The following CAPS2 variants were observed in gnomAD, a reference collection of about 807,000 sequenced individuals.
The protein encoded by CAPS2 is calcyphosin-2.
CAPS2 carries 98 observed loss-of-function variants against 86.5 expected under a neutral mutation model. That is an observed-to-expected ratio of 1.13 (90% CI 0.96 to 1.34). The LOEUF is 1.34. CAPS2 is among the 40% of genes most tolerant of loss of function. The probability of loss-of-function intolerance (pLI) is 0.00; values close to 1 mark genes in which losing one functional copy is unlikely to be tolerated. For missense variants in CAPS2, 729 were observed against 686.8 expected (o/e 1.06, Z -0.69); for synonymous variants, 210 against 225.1 (o/e 0.93, Z 0.60).
Position 75,304,747 on chromosome 12 carries a change from A to T in CAPS2, c.779+10T>A, listed in dbSNP as rs531063950. 4.5e-6 allele frequency: 7 copies of T among 1,562,700 alleles called. No individual in the cohort carries two copies. Among genetic ancestry groups the T allele is most frequent in the Non-Finnish European group, 5.2e-6 (6 of 1,146,450 alleles). On this transcript the variant is annotated intron_variant, in intron 8 of 16. Coordinates refer to ENST00000393284, the Ensembl canonical transcript of CAPS2. ...TGCATCCTCATTTTATGTAATTAAA[A>T]TCTTCTTACTTTGTTTCATGTAGTG...
At chr12:75,320,510 A>G (rs1360040316) in intron 5 of CAPS2, among the ~76,000 whole-genome samples, 2 of 152,054 alleles carry the variant, frequency 1.3e-5, no homozygotes, top group Non-Finnish European at 2.9e-5. Context: ...CAAAATAAGA[A>G]AGATCAAATA....
At chr12:75,305,912 C>A in intron 7 of CAPS2, 2 of 913,700 alleles carry the variant, frequency 2.2e-6, no homozygotes, top group Non-Finnish European at 3.6e-6. Context: ...AACCTCCACA[C>A]CATGAAGTCT....
chr12:75,375,467 T>C (rs1009653391), intron 1 of CAPS2, among the ~76,000 whole-genome samples: 6 of 152,150 alleles, frequency 3.9e-5, no homozygotes, highest in Non-Finnish European at 8.8e-5. Flanking sequence ...TGGAGAAGGA[T>C]GGGAAGAAGA....
intron 1 of CAPS2, chr12:75,363,072 T>G (rs766291308): frequency 3.3e-6 from 4 of 1,195,222 alleles, no homozygotes; most frequent in Non-Finnish European, 4.8e-6. Flanking sequence ...TAACAGCCAT[T>G]TGGCTAATCA....
chr12:75,325,321 ATAAATATGAATATACCCTTTATACTT>A (rs1196896049), intron 1 of CAPS2, 33 bp from the exon 3 acceptor site: 5 of 1,362,296 alleles, frequency 3.7e-6, no homozygotes, highest in Non-Finnish European at 5.1e-6. Context: ...TTGAATCAGT[ATAAATATGAATATACCCTTTATACTT>A]TAAGAGATAC....
At chr12:75,355,000 A>T (rs1275814251) in intron 1 of CAPS2, among the ~76,000 whole-genome samples, 1 of 152,206 alleles carries the variant, frequency 6.6e-6, no homozygotes, top group African/African-American at 2.4e-5. Flanking sequence ...TAAAGGCTTA[A>T]ATATAAAACC....
chr12:75,318,872 G>A (rs551075125), intron 5 of CAPS2, among the ~76,000 whole-genome samples: 1 of 151,782 alleles, frequency 6.6e-6, no homozygotes, highest in Non-Finnish European at 1.5e-5. Context: ...CCTGGACAGG[G>A]GTATTGCATA....
At chr12:75,356,463 G>C (rs2043163422) in intron 1 of CAPS2, among the ~76,000 whole-genome samples, 1 of 152,142 alleles carries the variant, frequency 6.6e-6, no homozygotes, top group Non-Finnish European at 1.5e-5. Flanking sequence ...CATGTGAAGT[G>C]CGATAATCTA....
chr12:75,304,920 C>A, intron 7 of CAPS2, 44 bp from the exon 8 acceptor site: 5 of 1,585,406 alleles, frequency 3.2e-6, no homozygotes, highest in Non-Finnish European at 4.3e-6. Flanking sequence ...TATGATCATG[C>A]ATTACTTTAA....
At chr12:75,305,395 G>A in intron 7 of CAPS2, 1 of 404,148 alleles carries the variant, frequency 2.5e-6, no homozygotes, top group Non-Finnish European at 4.6e-6. Flanking sequence ...CGGAGGGAGG[G>A]CAGACTCAAA....
intron 6 of CAPS2, among the ~76,000 whole-genome samples, chr12:75,313,958 T>C (rs1029022510): frequency 6.6e-6 from 1 of 152,198 alleles, no homozygotes; most frequent in Non-Finnish European, 1.5e-5. Flanking sequence ...CTTGCTATGT[T>C]GCCCAGGCTG....
intron 16 of CAPS2, among the ~76,000 whole-genome samples, chr12:75,279,685 A>T (rs767668073): frequency 1.2e-4 from 18 of 152,060 alleles, no homozygotes; most frequent in South Asian, 2.1e-4. Context: ...TTTTAAAAAC[A>T]TACACAAGAA....
rs368554421 is a variant in CAPS2, at chr12:75,367,044, A to G, written c.-395+23794T>C. Reference sequence around the variant, plus strand: ...TCTCTCATTTATCTCTAAAAATGACAGTTTAAGTTTCTCACAAAAATGCAC... The same window carrying G: ...TCTCTCATTTATCTCTAAAAATGACGGTTTAAGTTTCTCACAAAAATGCAC... On this transcript the variant is annotated intron_variant, in intron 1 of 5. Coordinates refer to the CAPS2 transcript ENST00000551829. The G allele has an allele frequency of 6.4e-5, 45 of 700,422 alleles. No individual in the cohort carries two copies. In the African/African-American group the frequency reaches 7.7e-4, roughly 12 times the overall value. 43.4% of individuals were successfully genotyped at this position (700,422 alleles called of 1,614,324 possible).
At chr12:75,345,286 A>T (rs1202496209) in intron 1 of CAPS2, among the ~76,000 whole-genome samples, 2 of 151,924 alleles carry the variant, frequency 1.3e-5, no homozygotes, top group Non-Finnish European at 2.9e-5. Context: ...TGCAAATCTC[A>T]GGGGTATTAT....
At chr12:75,329,944 G>GT (rs2041149322), upstream of CAPS2, 1 of 1,274,326 alleles carries the variant, frequency 7.8e-7, no homozygotes, top group African/African-American at 1.5e-5. Context: ...AGCTCGGTAA[G>GT]AAGAGGTCCA....
At chr12:75,329,881 T>G (rs368188157), upstream of CAPS2, 5 of 1,544,464 alleles carry the variant, frequency 3.2e-6, no homozygotes, top group South Asian at 6.0e-5. Context: ...CTGGGATTCC[T>G]GGACAGGACA....
chr12:75,376,011 T>C (rs2044628405), intron 1 of CAPS2, among the ~76,000 whole-genome samples: 1 of 152,174 alleles, frequency 6.6e-6, no homozygotes, highest in African/African-American at 2.4e-5. Context: ...GAAGGGTATG[T>C]CTTCTGGATC....
downstream of CAPS2, chr12:75,276,696 C>T: frequency 1.3e-6 from 1 of 799,996 alleles, no homozygotes; most frequent in Non-Finnish European, 1.5e-6. Flanking sequence ...AATATAAAAA[C>T]AGAAAAATCA....
chr12:75,280,660 C>T (rs1187131525), intron 16 of CAPS2, among the ~76,000 whole-genome samples: 1 of 151,690 alleles, frequency 6.6e-6, no homozygotes. Flanking sequence ...AAAAAATACA[C>T]TAGCAACAAT....
Sources: gnomAD v4.1 joint callset for allele counts (sites outside exome capture counted in the v4.1 genomes callset) on GRCh38, gnomAD v4.1.1 for gene constraint, MANE v1.5 for transcripts, NCBI Gene and HGNC (gene_info 2026-07-23, HGNC 2026-07-21) for gene names.